The following MTA1 variants were observed in gnomAD, a reference collection of about 807,000 sequenced individuals.
The protein encoded by MTA1 is metastasis-associated protein MTA1.
In MTA1, 15 loss-of-function variants were observed where a neutral mutation model predicts 97.0. The ratio of observed to expected loss-of-function variants is 0.15; its 90% CI spans 0.10 to 0.24. The LOEUF (loss-of-function observed/expected upper bound fraction) is 0.24. Ranked by LOEUF, MTA1 falls within the 10% of genes least tolerant of loss-of-function variation. The pLI, the probability that MTA1 is intolerant of heterozygous loss-of-function variation, is 1.00. For missense variants in MTA1, 709 were observed against 1,015.1 expected, an observed-to-expected ratio of 0.70 and a Z score of 4.10; for synonymous variants, 435 against 417.5, an observed-to-expected ratio of 1.04 and a Z score of -0.51.
At chr14:105,440,005 C>G (rs1479849691) in intron 2 of MTA1, among the ~76,000 whole-genome samples, 1 of 152,202 alleles carries the variant, frequency 6.6e-6, no homozygotes, top group Non-Finnish European at 1.5e-5. Flanking sequence ...GAGGGCCATT[C>G]CCTGCGGTAT....
chr14:105,427,340 A>G (rs1001464557), intron 1 of MTA1, among the ~76,000 whole-genome samples: 1 of 152,116 alleles, frequency 6.6e-6, no homozygotes, highest in South Asian at 2.1e-4. Flanking sequence ...ACTGAGGGCC[A>G]TGCTTCTTGC....
intron 3 of MTA1, among the ~76,000 whole-genome samples, chr14:105,447,614 C>T (rs2082761237): frequency 6.6e-6 from 1 of 151,846 alleles, no homozygotes; most frequent in Non-Finnish European, 1.5e-5. Flanking sequence ...GAGCACTGGC[C>T]CCCCCAGGTA....
chr14:105,429,301 T>C (rs1438246325), intron 1 of MTA1, among the ~76,000 whole-genome samples: 2 of 152,174 alleles, frequency 1.3e-5, no homozygotes, highest in African/African-American at 4.8e-5. Context: ...TTTTTGTTTT[T>C]TGGAGATGAA....
rs1452600459 is a variant in MTA1 at position 105,450,956 on chromosome 14, G to C, written c.432+632G>C. On this transcript the variant is annotated intron_variant, in intron 6 of 20. Transcript: ENST00000331320. Reference sequence around the variant, plus strand: ...GGCCACGTGGGGGCAAAAGCGTCTGGAGTGTGTTGGTTCCCTGGAGTGCCT... The same window carrying C: ...GGCCACGTGGGGGCAAAAGCGTCTGCAGTGTGTTGGTTCCCTGGAGTGCCT... 2.6e-5 allele frequency among the ~76,000 whole-genome samples: 4 copies of C among 152,332 alleles called. No individual in the cohort carries two copies. In the South Asian group the frequency reaches 8.3e-4, roughly 32 times the overall value.
intron 10 of MTA1, among the ~76,000 whole-genome samples, chr14:105,461,857 C>T (rs1209175495): frequency 6.6e-6 from 1 of 152,156 alleles, no homozygotes; most frequent in Admixed American, 6.5e-5. Context: ...CCTGACTGTC[C>T]CTGGGGCCAG....
At chr14:105,453,845 T>G (rs1555429217) in intron 6 of MTA1, among the ~76,000 whole-genome samples, 1 of 152,156 alleles carries the variant, frequency 6.6e-6, no homozygotes, top group East Asian at 1.9e-4. Context: ...TCATGGTTTT[T>G]GGGCTGTAGC....
At chr14:105,453,739 A>T (rs1352827660) in intron 6 of MTA1, among the ~76,000 whole-genome samples, 1 of 152,130 alleles carries the variant, frequency 6.6e-6, no homozygotes, top group African/African-American at 2.4e-5. Context: ...TGAACCCGGG[A>T]AACGGAGGTT....
intron 1 of MTA1, among the ~76,000 whole-genome samples, chr14:105,435,203 T>A (rs1206027803): frequency 6.6e-6 from 1 of 152,254 alleles, no homozygotes; most frequent in Non-Finnish European, 1.5e-5. Context: ...GATTATATTC[T>A]TGCATCTACG....
At chr14:105,435,938 G>A (rs1555424300) in intron 1 of MTA1, among the ~76,000 whole-genome samples, 2 of 152,108 alleles carry the variant, frequency 1.3e-5, no homozygotes, top group African/African-American at 4.8e-5. Flanking sequence ...TTCTTTGTCA[G>A]TCTGGCTATA....
chr14:105,466,889 C>A, intron 18 of MTA1, 147 bp downstream of exon 18: 1 of 786,406 alleles, frequency 1.3e-6, no homozygotes, highest in Non-Finnish European at 2.0e-6. Flanking sequence ...TCCCCACATT[C>A]CTCCCGACAT....
chr14:105,463,268 C>T lies in MTA1; in HGVS notation c.1017+10C>T, dbSNP rs2083431228. ...CAGATACGTGCAGCAGGTGAGCCCG[C>T]CCGCCACTCAGTGCCCGGGGTGTGC... On this transcript the variant is annotated intron_variant, in intron 11 of 20. Coordinates refer to ENST00000331320, the MANE Select transcript of MTA1 (RefSeq NM_004689.4). The surrounding 1 kb of genome is among the most constrained non-coding windows in gnomAD (Gnocchi z 5.9). The T allele has an allele frequency of 6.2e-7, 1 of 1,609,928 alleles. No homozygotes were observed. Among genetic ancestry groups the T allele is most frequent in the African/African-American group, 1.3e-5 (1 of 74,914 alleles).
At chr14:105,452,233 C>A (rs2082972740) in intron 6 of MTA1, among the ~76,000 whole-genome samples, 1 of 152,256 alleles carries the variant, frequency 6.6e-6, no homozygotes, top group Non-Finnish European at 1.5e-5. Context: ...TGCCTCGCCT[C>A]AAATAACCCT....
intron 10 of MTA1, among the ~76,000 whole-genome samples, chr14:105,462,817 C>G (rs1161142838): frequency 6.6e-6 from 1 of 152,038 alleles, no homozygotes; most frequent in Non-Finnish European, 1.5e-5. Flanking sequence ...TGCAGCGAGC[C>G]GAGATTGTAC....
intron 1 of MTA1, among the ~76,000 whole-genome samples, chr14:105,433,881 G>A (rs1470649116): frequency 2.6e-5 from 4 of 152,302 alleles, no homozygotes; most frequent in Middle Eastern, 3.4e-3. Context: ...AGGCTGGAGT[G>A]CAGTGGCACA....
At chr14:105,430,769 A>T (rs1256457189) in intron 1 of MTA1, among the ~76,000 whole-genome samples, 1 of 152,152 alleles carries the variant, frequency 6.6e-6, no homozygotes, top group African/African-American at 2.4e-5. Context: ...CGAGCTAAGA[A>T]TGGGTTTTAC....
rs1352019014 is a variant in MTA1 at position 105,419,876 on chromosome 14, G to C, written c.-160G>C. 53 of 174,510 alleles carry C rather than the reference G, an allele frequency of 3.0e-4. No homozygotes were observed. The highest frequency in any genetic ancestry group is 1.3e-4 in the Non-Finnish European group (12 of 94,104). 10.8% of individuals were successfully genotyped at this position (174,510 alleles called of 1,614,324 possible). A position where few individuals can be genotyped will look rare whatever the true frequency, so the allele number is the denominator to read the frequency against. ...GGCCCTCCCGTCCCTGCGCGGCCTC[G>C]GCGGCCTCGGCGGCGGCGGCGGCGG... On this transcript the variant is annotated 5_prime_UTR_variant, in exon 1 of 21. Transcript: ENST00000331320.
At position 105,466,429 on chromosome 14, in the gene MTA1, CCCA is replaced by C; in HGVS notation, c.1631_1633del (p.His544del). 2 of 791,462 alleles carry C rather than the reference CCCA, an allele frequency of 2.5e-6. No homozygotes were observed. Among genetic ancestry groups the C allele is most frequent in the Non-Finnish European group, 4.2e-6 (2 of 471,132 alleles). The allele number at this position is 791,462 out of a possible 1,614,324, so 49.0% of individuals were successfully genotyped here. On this transcript the variant is annotated inframe_deletion, in exon 17 of 21. Coordinates refer to ENST00000331320, the MANE Select transcript of MTA1 (RefSeq NM_004689.4). ...CTGCCTGTGTCATTCCCGGCAGAGA[CCCA>C]CCCCCGCCCCCCCAAGCCTGACCCC... is the stretch of plus-strand genomic sequence containing the variant.
At chr14:105,449,504 C>T in intron 4 of MTA1, 95 bp downstream of exon 4, 2 of 1,363,136 alleles carry the variant, frequency 1.5e-6, no homozygotes, top group South Asian at 1.3e-5. Context: ...GGGCGGGCCG[C>T]CTGCATGCCT....
intron 16 of MTA1, 70 bp from the exon 17 acceptor site, chr14:105,466,356 G>C (rs1488570424): frequency 4.3e-6 from 6 of 1,405,704 alleles, no homozygotes; most frequent in Middle Eastern, 1.9e-4. Context: ...ATGAGGGCTG[G>C]AGCCTGGGCC....
Sources: allele counts gnomAD v4.1 joint callset (sites outside exome capture counted in the v4.1 genomes callset), GRCh38; gene constraint gnomAD v4.1.1; non-coding constraint Gnocchi (gnomAD v3.1); transcripts MANE v1.5; gene names NCBI Gene and HGNC (gene_info 2026-07-23, HGNC 2026-07-21).